LHFPL2: variants seen among roughly 807,000 people sequenced by gnomAD.
LHFPL2 encodes LHFPL tetraspan subfamily member 2 protein.
LHFPL2 carries 7 observed loss-of-function variants against 17.5 expected under a neutral mutation model. The ratio of observed to expected loss-of-function variants is 0.40; its 90% CI spans 0.23 to 0.75. LHFPL2 has a LOEUF of 0.75. Among genes scored for constraint, LHFPL2 ranks in the 30% least tolerant of loss-of-function variants. LHFPL2 has a pLI of 0.37. For missense variants in LHFPL2, 241 were observed against 294.8 expected (o/e 0.82, Z 1.34); for synonymous variants, 134 against 116.2 (o/e 1.15, Z -0.99).
At chr5:78,585,286 C>T (rs112614156) in intron 2 of LHFPL2, among the ~76,000 whole-genome samples, 2 of 122,042 alleles carry the variant, frequency 1.6e-5, no homozygotes, top group South Asian at 2.5e-4. Context: ...GGATTACAGG[C>T]GTGAGCCACC....
chr5:78,498,866 T>C (rs1236419798), intron 4 of LHFPL2, among the ~76,000 whole-genome samples: 1 of 152,238 alleles, frequency 6.6e-6, no homozygotes. Context: ...TACTGTGACA[T>C]AGATGCACTT....
intron 4 of LHFPL2, chr5:78,491,013 A>G (rs1754426936): frequency 6.6e-6 from 1 of 152,230 alleles, no homozygotes; most frequent in Admixed American, 6.5e-5. Context: ...CCCCGCAAAG[A>G]AAACATGACT....
At chr5:78,637,917 C>A (rs751561485) in intron 1 of LHFPL2, among the ~76,000 whole-genome samples, 1 of 152,210 alleles carries the variant, frequency 6.6e-6, no homozygotes, top group Non-Finnish European at 1.5e-5. Flanking sequence ...CCTCCCCACT[C>A]GGGCACCAGC....
intron 3 of LHFPL2, 55 bp from the exon 4 acceptor site, chr5:78,510,453 G>C (rs1309849598): frequency 1.9e-6 from 1 of 515,548 alleles, no homozygotes; most frequent in Non-Finnish European, 3.4e-6. Flanking sequence ...CCGCCTTCCC[G>C]CCGCGCAGCG....
intron 1 of LHFPL2, among the ~76,000 whole-genome samples, chr5:78,646,502 T>C (rs984353955): frequency 2.6e-5 from 4 of 152,188 alleles, no homozygotes; most frequent in African/African-American, 7.2e-5. Flanking sequence ...CACCATTTTA[T>C]AGACACAGAA....
chr5:78,530,357 C>A (rs1755745870), intron 3 of LHFPL2, among the ~76,000 whole-genome samples: 1 of 152,160 alleles, frequency 6.6e-6, no homozygotes, highest in South Asian at 2.1e-4. Flanking sequence ...TCTACTGTTT[C>A]TCTAATACTT....
At chr5:78,594,294 G>A (rs536348439) in intron 2 of LHFPL2, among the ~76,000 whole-genome samples, 1 of 152,312 alleles carries the variant, frequency 6.6e-6, no homozygotes, top group African/African-American at 2.4e-5. Flanking sequence ...GCATAGCTTT[G>A]TATAGACATC....
At chr5:78,530,316 T>C (rs1009646948) in intron 3 of LHFPL2, among the ~76,000 whole-genome samples, 9 of 152,186 alleles carry the variant, frequency 5.9e-5, no homozygotes, top group African/African-American at 2.2e-4. Context: ...AAATTAACCA[T>C]TTTTGGTTTC....
At chr5:78,573,860 T>C (rs1220026109) in intron 2 of LHFPL2, among the ~76,000 whole-genome samples, 1 of 152,252 alleles carries the variant, frequency 6.6e-6, no homozygotes, top group African/African-American at 2.4e-5. Flanking sequence ...GGTTTGTGCA[T>C]AGATTAAGAA....
intron 3 of LHFPL2, among the ~76,000 whole-genome samples, chr5:78,533,985 G>A (rs115010533): frequency 0.013 from 1,969 of 152,322 alleles, 39 homozygotes; most frequent in African/African-American, 0.043. Flanking sequence ...GAGGAGCTTC[G>A]TGCGACCTTC....
chr5:78,606,037 T>C (rs1176825786), intron 2 of LHFPL2, among the ~76,000 whole-genome samples: 1 of 152,222 alleles, frequency 6.6e-6, no homozygotes, highest in African/African-American at 2.4e-5. Flanking sequence ...CCTACAAAAA[T>C]TCTGTGCTCC....
At chr5:78,532,750 C>T (rs867728295) in intron 3 of LHFPL2, among the ~76,000 whole-genome samples, 4 of 151,886 alleles carry the variant, frequency 2.6e-5, no homozygotes, top group African/African-American at 7.3e-5. Flanking sequence ...CTTTTTCCAT[C>T]TTATTAACCA....
intron 3 of LHFPL2, among the ~76,000 whole-genome samples, chr5:78,511,196 G>C (rs1471650489): frequency 6.6e-6 from 1 of 152,106 alleles, no homozygotes; most frequent in South Asian, 2.1e-4. Flanking sequence ...CATTACAACT[G>C]AGTGGACTTG....
intron 4 of LHFPL2, among the ~76,000 whole-genome samples, chr5:78,509,551 A>AC (rs1420437360): frequency 1.2e-4 from 19 of 152,232 alleles, no homozygotes; most frequent in African/African-American, 4.3e-4. Context: ...AATGAGGAGG[A>AC]CCACGTAAGA....
chr5:78,494,246 G>T, intron 4 of LHFPL2: 2 of 441,544 alleles, frequency 4.5e-6, no homozygotes, highest in Non-Finnish European at 6.0e-6. Context: ...TGACTGGGTC[G>T]CAGCAAGCCC....
chr5:78,503,932 A>G (rs1314283417), intron 4 of LHFPL2, among the ~76,000 whole-genome samples: 3 of 152,208 alleles, frequency 2.0e-5, no homozygotes, highest in African/African-American at 7.2e-5. Context: ...ACCTGCGTCT[A>G]CAGGTCTCTG....
At chr5:78,580,200 G>GT (rs957109357) in intron 2 of LHFPL2, among the ~76,000 whole-genome samples, 4 of 151,994 alleles carry the variant, frequency 2.6e-5, no homozygotes, top group Admixed American at 6.5e-5. Flanking sequence ...GGGGTTGTTT[G>GT]TTTTTTTCTT....
At chr5:78,603,733 T>C (rs1367148206) in intron 2 of LHFPL2, among the ~76,000 whole-genome samples, 3 of 152,176 alleles carry the variant, frequency 2.0e-5, no homozygotes, top group Non-Finnish European at 4.4e-5. Flanking sequence ...TTTTTTCAGT[T>C]AAAAAAATTT....
intron 2 of LHFPL2, among the ~76,000 whole-genome samples, chr5:78,582,019 GA>G (rs1163945912): frequency 6.6e-6 from 1 of 152,198 alleles, no homozygotes; most frequent in Non-Finnish European, 1.5e-5. Context: ...TTAGTCTTGG[GA>G]GAGTGTATGT....
Sources: allele counts gnomAD v4.1 joint callset (sites outside exome capture counted in the v4.1 genomes callset), GRCh38; gene constraint gnomAD v4.1.1; transcripts MANE v1.5; gene names NCBI Gene and HGNC (gene_info 2026-07-23, HGNC 2026-07-21).